The following ANO1 variants were observed in gnomAD, a reference collection of about 807,000 sequenced individuals.
ANO1 encodes anoctamin 1.
A neutral mutation model predicts 124.0 loss-of-function variants in ANO1; 59 were observed. That is an observed-to-expected ratio of 0.48 (90% confidence interval 0.39 to 0.59). The LOEUF (loss-of-function observed/expected upper bound fraction) is 0.59. Ranked by LOEUF, ANO1 falls within the 20% of genes least tolerant of loss-of-function variation. The probability of loss-of-function intolerance (pLI) is 0.00; values close to 1 mark genes in which losing one functional copy is unlikely to be tolerated. For missense variants in ANO1, 1,059 were observed against 1,328.0 expected (o/e 0.80, Z 3.15); for synonymous variants, 529 against 532.0 (o/e 0.99, Z 0.08).
At chr11:70,013,734 G>A (rs1180404153) in intron 1 of ANO1, among the ~76,000 whole-genome samples, 1 of 150,960 alleles carries the variant, frequency 6.6e-6, no homozygotes, top group African/African-American at 2.4e-5. Flanking sequence ...CTCGGGAAGC[G>A]GAGGTTGCCA....
intron 25 of ANO1, 77 bp from the exon 26 acceptor site, chr11:70,187,660 TG>T: frequency 6.7e-7 from 1 of 1,503,474 alleles, no homozygotes; most frequent in Admixed American, 2.0e-5. Flanking sequence ...CTCCACCAGA[TG>T]GGGGCCAGGC....
At chr11:70,132,653 T>G (rs1351480326) in intron 11 of ANO1, among the ~76,000 whole-genome samples, 1 of 152,188 alleles carries the variant, frequency 6.6e-6, no homozygotes, top group African/African-American at 2.4e-5. Flanking sequence ...CCAGGAAGAT[T>G]CCCTAACCCC....
intron 12 of ANO1, among the ~76,000 whole-genome samples, chr11:70,150,367 G>T (rs892597165): frequency 6.6e-6 from 1 of 152,218 alleles, no homozygotes; most frequent in African/African-American, 2.4e-5. Flanking sequence ...GGGATGCCAG[G>T]TGAACCATAC....
rs752876811 is a variant in ANO1, at chr11:70,153,029, C to T, written c.1354-28C>T. The T allele has an allele frequency of 2.1e-5, 34 of 1,583,350 alleles. No individual in the cohort carries two copies. In the East Asian group the frequency reaches 7.5e-4, roughly 35 times the overall value. ...AGCTCAGACTCAAAATTAACAAGGA[C>T]TCTGTCTTGACTTGGTTTCATTCAC... On this transcript the variant is annotated intron_variant, in intron 13 of 25. Transcript: ENST00000355303.
chr11:70,036,266 G>A (rs995288545), intron 1 of ANO1, among the ~76,000 whole-genome samples: 15 of 152,192 alleles, frequency 9.9e-5, no homozygotes, highest in East Asian at 1.9e-4. Context: ...AATCTCTGCC[G>A]CTGTCTTTAC....
rs1565159640 is a variant in ANO1, at chr11:70,010,156, T to TGCGCGCGC, written c.58+23991_58+23992insCGCGCGCG. Among the ~76,000 whole-genome samples, 222 of 64,620 alleles carry TGCGCGCGC rather than the reference T, an allele frequency of 3.4e-3. 14 individuals carry two copies. Among genetic ancestry groups the TGCGCGCGC allele is most frequent in the African/African-American group, 0.012 (214 of 17,950 alleles). The allele number at this position is 64,620 out of a possible 152,430, so 42.4% of individuals were successfully genotyped here. A position where few individuals can be genotyped will look rare whatever the true frequency, so the allele number is the denominator to read the frequency against. On this transcript the variant is annotated intron_variant, in intron 1 of 27. Coordinates refer to the ANO1 transcript ENST00000531349. ...CATGGTGTGTGTGTGTGTGTGTGTGTGTGTGTGTGCGCGTGTGTGTGTGTA... is the reference window on the plus strand; with the variant it reads ...CATGGTGTGTGTGTGTGTGTGTGTGTGCGCGCGCGTGTGTGTGCGCGTGTGTGTGTGTA...
rs1285841348 is a variant in ANO1 at position 70,062,430 on chromosome 11, AT to A, written c.59-16110del. Among the ~76,000 whole-genome samples, 7 of 152,118 alleles carry A rather than the reference AT, an allele frequency of 4.6e-5. No homozygotes were observed. The East Asian group carries it at 1.4e-3, about 29-fold the overall frequency. On this transcript the variant is annotated intron_variant, in intron 1 of 27. Transcript: ENST00000531349. Reference sequence around the variant, plus strand: ...CAATGGACTCCAAATATAGGGACACATTCAGGACAAGAACCATTTGCTGTGT... The same window carrying A: ...CAATGGACTCCAAATATAGGGACACATCAGGACAAGAACCATTTGCTGTGT...
intron 1 of ANO1, among the ~76,000 whole-genome samples, chr11:70,009,818 G>T (rs1555000723): frequency 6.6e-6 from 1 of 152,122 alleles, no homozygotes; most frequent in Non-Finnish European, 1.5e-5. Flanking sequence ...GGTGGTGTTT[G>T]GTTACATGGA....
chr11:70,126,591 C>T (rs951584047), intron 10 of ANO1, among the ~76,000 whole-genome samples: 4 of 152,094 alleles, frequency 2.6e-5, no homozygotes, highest in Non-Finnish European at 4.4e-5. Flanking sequence ...CTGGTACTTG[C>T]GGGAGGTGAG....
At position 70,080,437 on chromosome 11, in the gene ANO1, G is replaced by A. The variant is rs146871103; in HGVS notation, c.108+1723G>A. Among the ~76,000 whole-genome samples, 7 of 152,348 alleles carry A rather than the reference G, an allele frequency of 4.6e-5. No homozygotes were observed. The East Asian group carries it at 1.3e-3, about 29-fold the overall frequency. On this transcript the variant is annotated intron_variant, in intron 1 of 25. Transcript: ENST00000355303. The stretch of plus-strand genomic sequence containing the variant: ...ACATTGCATACTCAAAGTCCCAAAG[G>A]TGGGACCATGGAGGTACCAGCCAGG...
intron 11 of ANO1, among the ~76,000 whole-genome samples, chr11:70,146,367 C>T (rs1209153363): frequency 3.9e-5 from 6 of 152,114 alleles, no homozygotes; most frequent in African/African-American, 9.7e-5. Context: ...TGCTAGTGCA[C>T]GGATACCTCC....
At chr11:70,123,519 C>T (rs1025692412) in intron 8 of ANO1, among the ~76,000 whole-genome samples, 1 of 152,214 alleles carries the variant, frequency 6.6e-6, no homozygotes, top group Non-Finnish European at 1.5e-5. Context: ...GTCCCCCAGC[C>T]ATGACCTTGA....
rs1348394073 is a variant in ANO1 at position 70,138,173 on chromosome 11, C to G, written c.1258+6094C>G. ...CAGTCAGGCCAACATGGTGAAACCCCGTCTCTACTAAAAATACAAAGATTA... is the reference window on the plus strand; with the variant it reads ...CAGTCAGGCCAACATGGTGAAACCCGGTCTCTACTAAAAATACAAAGATTA... On this transcript the variant is annotated intron_variant, in intron 11 of 25. Coordinates refer to ENST00000355303, the MANE Select transcript of ANO1 (RefSeq NM_018043.7). Among the ~76,000 whole-genome samples, 4 of 146,374 alleles carry G rather than the reference C, an allele frequency of 2.7e-5. 1 individual carries two copies. In the South Asian group the frequency reaches 9.6e-4, roughly 35 times the overall value.
At chr11:70,106,591 G>T (rs1310992840) in intron 5 of ANO1, among the ~76,000 whole-genome samples, 5 of 152,208 alleles carry the variant, frequency 3.3e-5, no homozygotes, top group African/African-American at 1.2e-4. Context: ...GGGACAGACA[G>T]ATCTGGGGCA....
At chr11:70,117,646 C>T (rs1405788417) in intron 8 of ANO1, among the ~76,000 whole-genome samples, 2 of 152,198 alleles carry the variant, frequency 1.3e-5, no homozygotes, top group African/African-American at 4.8e-5. Flanking sequence ...CTTTCCCTCT[C>T]GGGAAGCAGT....
At chr11:70,084,365 A>G (rs1441099961) in intron 1 of ANO1, among the ~76,000 whole-genome samples, 1 of 152,184 alleles carries the variant, frequency 6.6e-6, no homozygotes, top group Admixed American at 6.5e-5. Flanking sequence ...GGGAAAGCGT[A>G]TCTGCCATTG....
chr11:70,094,060 T>C (rs2135275146), intron 2 of ANO1, among the ~76,000 whole-genome samples: 1 of 152,266 alleles, frequency 6.6e-6, no homozygotes, highest in African/African-American at 2.4e-5. Flanking sequence ...AGAGAGTTAA[T>C]CCTCGAGCCC....
At chr11:69,997,621 C>T (rs10751233) in intron 1 of ANO1, among the ~76,000 whole-genome samples, 130,702 of 152,198 alleles carry the variant, frequency 0.86, 56,913 homozygotes, top group East Asian at 0.98. Flanking sequence ...CCAAATCTCA[C>T]GTTGAAATGT....
chr11:70,178,713 G>A (rs999255284), intron 22 of ANO1, among the ~76,000 whole-genome samples: 1 of 152,146 alleles, frequency 6.6e-6, no homozygotes, highest in Admixed American at 6.5e-5. Context: ...ACAGGCATGT[G>A]CCACGACGCC....
Sources: gnomAD v4.1 joint callset for allele counts (sites outside exome capture counted in the v4.1 genomes callset) on GRCh38, gnomAD v4.1.1 for gene constraint, MANE v1.5 for transcripts, NCBI Gene and HGNC (gene_info 2026-07-23, HGNC 2026-07-21) for gene names.